Variants in RNASE10 observed in about 807,000 individuals in gnomAD.
RNASE10 encodes inactive ribonuclease-like protein 10.
A neutral mutation model predicts 1.1 loss-of-function variants in RNASE10; 2 were observed. That is an observed-to-expected ratio of 1.82 (90% CI 0.74 to 5.73). RNASE10 has a LOEUF of 5.73. Among genes scored for constraint, RNASE10 ranks in the 30% most tolerant of loss-of-function variants. RNASE10 has a pLI of 0.05. For synonymous variants in RNASE10, 97 were observed against 96.2 expected, an observed-to-expected ratio of 1.01 and a Z score of -0.05; for missense variants, 276 against 263.4, an observed-to-expected ratio of 1.05 and a Z score of -0.33.
chr14:20,507,735 T>TATTC (rs1411019715), intron 1 of RNASE10, among the ~76,000 whole-genome samples: 2 of 150,494 alleles, frequency 1.3e-5, no homozygotes, highest in Non-Finnish European at 3.0e-5. Flanking sequence ...CTTATTTATT[T>TATTC]ATTTATTTAT....
At chr14:20,505,257 GTTTGCT>G (rs1313993424), upstream of RNASE10, among the ~76,000 whole-genome samples, 305 of 96,740 alleles carry the variant, frequency 3.2e-3, 7 homozygotes, top group Middle Eastern at 0.022. Flanking sequence ...GAAAAAGTGA[GTTTGCT>G]CCCTCTCCCT....
exon 2 of RNASE10, chr14:20,511,020 A>G (rs1376510500): frequency 6.3e-7 from 1 of 1,579,400 alleles, no homozygotes; most frequent in Non-Finnish European, 8.6e-7. Flanking sequence ...TGTCCCAACC[A>G]GACCAGGTCA....
At chr14:20,512,806 C>T (rs910573616), downstream of RNASE10, among the ~76,000 whole-genome samples, 5 of 152,170 alleles carry the variant, frequency 3.3e-5, no homozygotes, top group African/African-American at 1.2e-4. Flanking sequence ...GGTGATGACC[C>T]AGCCAAGGCA....
upstream of RNASE10, chr14:20,505,487 TAC>T (rs1566535990): frequency 2.6e-5 from 2 of 76,632 alleles, 1 homozygote. Flanking sequence ...CTGGTTTTCG[TAC>T]TTTTTTGGTG....
exon 2 of RNASE10, chr14:20,510,937 G>T: frequency 1.9e-6 from 3 of 1,610,350 alleles, no homozygotes; most frequent in South Asian, 1.1e-5. Flanking sequence ...TAACAGTCCT[G>T]TCATTGCCTG....
intron 1 of RNASE10, among the ~76,000 whole-genome samples, chr14:20,509,520 T>G (rs1347306172): frequency 6.6e-6 from 1 of 152,258 alleles, no homozygotes; most frequent in East Asian, 1.9e-4. Context: ...GATGTAGCTT[T>G]AGCAGGGGCC....
At chr14:20,511,004 G>T in exon 2 of RNASE10, 1 of 1,597,986 alleles carries the variant, frequency 6.3e-7, no homozygotes, top group Non-Finnish European at 8.5e-7. Flanking sequence ...TTGACATTGT[G>T]CGAGCTGTCC....
upstream of RNASE10, among the ~76,000 whole-genome samples, chr14:20,505,345 G>A (rs1417382436): frequency 3.3e-5 from 2 of 61,440 alleles, no homozygotes; most frequent in East Asian, 4.0e-4. Flanking sequence ...CTCCTTCCAC[G>A]GTCTCCCTCT....
intron 1 of RNASE10, among the ~76,000 whole-genome samples, chr14:20,506,228 G>A (rs1882710175): frequency 7.4e-6 from 1 of 134,864 alleles, no homozygotes; most frequent in East Asian, 2.2e-4. Context: ...CGTCCGGGAG[G>A]TGAGGGGCTC....
At chr14:20,507,850 C>G (rs1207629255) in intron 1 of RNASE10, among the ~76,000 whole-genome samples, 1 of 151,874 alleles carries the variant, frequency 6.6e-6, no homozygotes, top group Non-Finnish European at 1.5e-5. Flanking sequence ...TGGGCTCCAA[C>G]CATCCTCCCA....
At chr14:20,512,463 C>T (rs1384553569), downstream of RNASE10, among the ~76,000 whole-genome samples, 6 of 152,224 alleles carry the variant, frequency 3.9e-5, no homozygotes, top group Non-Finnish European at 5.9e-5. Flanking sequence ...CTCTGCTTCA[C>T]ATTCCTAGAC....
intron 1 of RNASE10, among the ~76,000 whole-genome samples, chr14:20,508,537 A>C (rs1882810374): frequency 6.6e-6 from 1 of 152,186 alleles, no homozygotes; most frequent in Non-Finnish European, 1.5e-5. Flanking sequence ...CTGTGTTCAC[A>C]TAACCCTTAT....
upstream of RNASE10, among the ~76,000 whole-genome samples, chr14:20,504,858 C>A (rs1002576538): frequency 6.6e-6 from 1 of 151,944 alleles, no homozygotes; most frequent in African/African-American, 2.4e-5. Context: ...CTGAGGCCAA[C>A]GTAGCCTCAG....
chr14:20,512,989 A>G (rs1222449748), downstream of RNASE10, among the ~76,000 whole-genome samples: 1 of 152,196 alleles, frequency 6.6e-6, no homozygotes, highest in Non-Finnish European at 1.5e-5. Context: ...GGATTTAGGA[A>G]TGAAATGTGA....
chr14:20,506,743 G>T (rs1882738634), intron 1 of RNASE10, among the ~76,000 whole-genome samples: 1 of 124,644 alleles, frequency 8.0e-6, no homozygotes, highest in African/African-American at 3.2e-5. Flanking sequence ...CCGGCCAGCC[G>T]CCCCGTCCGG....
upstream of RNASE10, among the ~76,000 whole-genome samples, chr14:20,505,275 TCC>T (rs1882666843): frequency 2.1e-4 from 2 of 9,688 alleles, no homozygotes; most frequent in Non-Finnish European, 4.0e-4. Context: ...CCTCTCCCTC[TCC>T]CTCTCCCTCT....
intron 1 of RNASE10, among the ~76,000 whole-genome samples, chr14:20,509,985 A>G (rs546802848): frequency 7.4e-5 from 11 of 149,542 alleles, no homozygotes; most frequent in South Asian, 6.4e-4. Flanking sequence ...TGGGCATGGT[A>G]GTGTGTGCCT....
At chr14:20,509,184 G>A (rs2139369515) in intron 1 of RNASE10, among the ~76,000 whole-genome samples, 1 of 152,316 alleles carries the variant, frequency 6.6e-6, no homozygotes, top group South Asian at 2.1e-4. Context: ...CCAGTGGCTG[G>A]GACTACTGGT....
intron 1 of RNASE10, among the ~76,000 whole-genome samples, chr14:20,506,482 G>T (rs1452094306): frequency 1.5e-5 from 2 of 133,694 alleles, no homozygotes; most frequent in African/African-American, 5.8e-5. Context: ...CCGTCCGGGA[G>T]GGAGGTGGTG....
Sources: gnomAD v4.1 joint callset for allele counts (sites outside exome capture counted in the v4.1 genomes callset) on GRCh38, gnomAD v4.1.1 for gene constraint, MANE v1.5 for transcripts, NCBI Gene and HGNC (gene_info 2026-07-23, HGNC 2026-07-21) for gene names.